PRKCE: variants seen among roughly 807,000 people sequenced by gnomAD.
PRKCE encodes the protein protein kinase C epsilon type.
A neutral mutation model predicts 85.4 loss-of-function variants in PRKCE; 16 were observed. The observed-to-expected ratio is 0.19, with a 90% confidence interval of 0.13 to 0.28. PRKCE has a LOEUF of 0.28. Ranked by LOEUF, PRKCE falls within the 10% of genes least tolerant of loss-of-function variation. The pLI is 1.00. For missense variants in PRKCE, 573 were observed against 975.2 expected, an observed-to-expected ratio of 0.59 and a Z score of 5.49; for synonymous variants, 388 against 371.5, an observed-to-expected ratio of 1.04 and a Z score of -0.51.
At chr2:46,141,521 A>T (rs899646971) in intron 11 of PRKCE, among the ~76,000 whole-genome samples, 1 of 152,214 alleles carries the variant, frequency 6.6e-6, no homozygotes, top group African/African-American at 2.4e-5. Context: ...TGGATGCAGG[A>T]GGGAGAATTT....
chr2:45,997,223 A>C (rs2104697260), intron 6 of PRKCE, among the ~76,000 whole-genome samples: 1 of 151,982 alleles, frequency 6.6e-6, no homozygotes, highest in East Asian at 1.9e-4. Flanking sequence ...CACTAGCCTT[A>C]CTAGAGGCTT....
intron 1 of PRKCE, among the ~76,000 whole-genome samples, chr2:45,748,495 G>A (rs781053017): frequency 4.6e-5 from 7 of 152,314 alleles, no homozygotes; most frequent in East Asian, 1.9e-4. Context: ...CAAGCAGGCC[G>A]CTGCCAGCAT....
intron 1 of PRKCE, among the ~76,000 whole-genome samples, chr2:45,811,528 A>C (rs571437038): frequency 1.7e-4 from 26 of 152,356 alleles, no homozygotes; most frequent in African/African-American, 5.8e-4. Context: ...AGGCTGACTC[A>C]CCCTGCGTTG....
intron 1 of PRKCE, among the ~76,000 whole-genome samples, chr2:45,723,478 C>T (rs922451674): frequency 2.0e-5 from 3 of 152,150 alleles, no homozygotes; most frequent in South Asian, 2.1e-4. Flanking sequence ...TGATCTGGGA[C>T]GGTGTTGCCC....
At chr2:45,880,026 C>T (rs1225397556) in intron 2 of PRKCE, among the ~76,000 whole-genome samples, 2 of 151,990 alleles carry the variant, frequency 1.3e-5, no homozygotes, top group African/African-American at 4.8e-5. Context: ...CCCTCTTTCC[C>T]TTACCCTTCC....
chr2:46,008,735 G>T (rs1021685829), intron 9 of PRKCE, among the ~76,000 whole-genome samples: 10 of 152,168 alleles, frequency 6.6e-5, no homozygotes, highest in African/African-American at 2.4e-4. Context: ...TTTAGAGACT[G>T]ACTAAATAAA....
At chr2:46,049,155 G>C (rs956236881) in intron 10 of PRKCE, among the ~76,000 whole-genome samples, 3 of 152,106 alleles carry the variant, frequency 2.0e-5, no homozygotes, top group Non-Finnish European at 4.4e-5. Flanking sequence ...ACTGAGCTTG[G>C]GGCAAGATTG....
Position 46,086,374 on chromosome 2 carries a change from TCTC to T in PRKCE, c.1592+19_1592+21del, listed in dbSNP as rs1354045264. 6 of 1,592,436 alleles carry T rather than the reference TCTC, an allele frequency of 3.8e-6. No homozygotes were observed. The African/African-American group carries it at 5.4e-5, about 14-fold the overall frequency. On this transcript the variant is annotated intron_variant, in intron 11 of 14. Transcript: ENST00000306156. ...GGAGTCATCTACAGGTAGCCTCTTC[TCTC>T]CTCCTCTTTCCTGAAAGTGAAGAAA...
At chr2:45,889,172 G>T (rs1260969047) in intron 2 of PRKCE, among the ~76,000 whole-genome samples, 1 of 152,238 alleles carries the variant, frequency 6.6e-6, no homozygotes, top group South Asian at 2.1e-4. Context: ...CAGCGACTAA[G>T]AGTATACCGA....
chr2:46,090,921 A>G (rs1670104986), intron 11 of PRKCE, among the ~76,000 whole-genome samples: 1 of 152,218 alleles, frequency 6.6e-6, no homozygotes, highest in Admixed American at 6.5e-5. Flanking sequence ...GTCATTGCTT[A>G]AGTTGAGATA....
intron 1 of PRKCE, among the ~76,000 whole-genome samples, chr2:45,703,845 T>C (rs1047694564): frequency 6.6e-6 from 1 of 152,224 alleles, no homozygotes; most frequent in Non-Finnish European, 1.5e-5. Flanking sequence ...AACAAAAAAA[T>C]TCCTATTCTC....
rs1704016465 is a variant in PRKCE at position 45,993,936 on chromosome 2, A to G, written c.824-7468A>G. On this transcript the variant is annotated intron_variant, in intron 6 of 14. Coordinates refer to ENST00000306156, the MANE Select transcript of PRKCE (RefSeq NM_005400.3). ...GTCCTGAGAAAGCCACCCTGCCACC[A>G]CCTCACCCCACCCCCACCTTTAGCC... Among the ~76,000 whole-genome samples, 5 of 151,902 alleles carry G rather than the reference A, an allele frequency of 3.3e-5. No individual in the cohort carries two copies. In the South Asian group the frequency reaches 1.0e-3, roughly 32 times the overall value.
At position 45,774,201 on chromosome 2, in the gene PRKCE, C is replaced by T. The variant is rs942316784; in HGVS notation, c.349-68799C>T. ...TGGCTGGGACATGTTGGGCTGACCA[C>T]CCCTGTGGTCAGGGCCTGCGACTGG... On this transcript the variant is annotated intron_variant, in intron 1 of 14. Transcript: ENST00000306156. This position sits in a 1 kb window ranked among gnomAD's most constrained non-coding sequence, Gnocchi z 4.3. 6.6e-6 allele frequency among the ~76,000 whole-genome samples: 1 copy of T among 152,106 alleles called. No individual in the cohort carries two copies. Among genetic ancestry groups the T allele is most frequent in the African/African-American group, 2.4e-5 (1 of 41,424 alleles).
intron 1 of PRKCE, among the ~76,000 whole-genome samples, chr2:45,827,228 G>A (rs879043244): frequency 2.6e-5 from 4 of 152,176 alleles, no homozygotes; most frequent in Non-Finnish European, 4.4e-5. Flanking sequence ...TGCACCAGTC[G>A]GGCTGGCTTT....
intron 2 of PRKCE, among the ~76,000 whole-genome samples, chr2:45,959,162 G>A (rs2104406129): frequency 1.3e-5 from 2 of 152,208 alleles, no homozygotes; most frequent in South Asian, 4.2e-4. Context: ...CAGGGCAAGA[G>A]GAAGGTGGTT....
chr2:46,151,972 T>G (rs1018448728), intron 13 of PRKCE, among the ~76,000 whole-genome samples: 2 of 152,222 alleles, frequency 1.3e-5, no homozygotes, highest in African/African-American at 4.8e-5. Context: ...GGGTCACCCC[T>G]CTGAGCTAAG....
intron 1 of PRKCE, among the ~76,000 whole-genome samples, chr2:45,754,823 C>G (rs536707296): frequency 6.6e-6 from 1 of 152,220 alleles, no homozygotes; most frequent in Non-Finnish European, 1.5e-5. Context: ...TCAGCTGGAT[C>G]GCCATATGGA....
At chr2:45,818,153 A>G (rs1419260238) in intron 1 of PRKCE, among the ~76,000 whole-genome samples, 2 of 152,248 alleles carry the variant, frequency 1.3e-5, no homozygotes, top group Non-Finnish European at 2.9e-5. Context: ...GGTAAAATGT[A>G]TCATGTGCCA....
chr2:46,036,556 C>T (rs1707875659), intron 10 of PRKCE, among the ~76,000 whole-genome samples: 2 of 152,188 alleles, frequency 1.3e-5, no homozygotes. Flanking sequence ...CGCCACTGCA[C>T]TCCAGCCTGG....
Sources: gnomAD v4.1 joint callset for allele counts (sites outside exome capture counted in the v4.1 genomes callset) on GRCh38, gnomAD v4.1.1 for gene constraint, Gnocchi (gnomAD v3.1) non-coding constraint, MANE v1.5 for transcripts, NCBI Gene and HGNC (gene_info 2026-07-23, HGNC 2026-07-21) for gene names.